Variants in HTR1F observed in about 807,000 individuals in gnomAD.
HTR1F encodes the protein 5-hydroxytryptamine (serotonin) receptor 1F, G protein-coupled.
Under a neutral mutation model 24.0 loss-of-function variants are expected in HTR1F, and 17 were observed. The ratio of observed to expected loss-of-function variants is 0.71; its 90% confidence interval spans 0.48 to 1.06. The LOEUF is 1.06. HTR1F is among the 50% of genes least tolerant of loss of function. The probability of loss-of-function intolerance (pLI) is 0.00; values close to 1 mark genes in which losing one functional copy is unlikely to be tolerated. For missense variants in HTR1F, 391 were observed against 427.8 expected (o/e 0.91, Z 0.76); for synonymous variants, 186 against 156.8 (o/e 1.19, Z -1.39).
chr3:87,821,876 A>C (rs2107126275), intron 1 of HTR1F, among the ~76,000 whole-genome samples, 132 bp from the exon 2 acceptor site: 1 of 152,276 alleles, frequency 6.6e-6, no homozygotes, highest in East Asian at 1.9e-4. Flanking sequence ...TTATTTCAAA[A>C]GTGGTTAGTG....
intron 2 of HTR1F, among the ~76,000 whole-genome samples, chr3:87,882,322 A>G (rs1265740856): frequency 6.6e-6 from 1 of 152,208 alleles, no homozygotes; most frequent in Non-Finnish European, 1.5e-5. Flanking sequence ...ATCTAGAACA[A>G]GAAATACCAT....
chr3:87,973,063 C>T (rs7355990), intron 2 of HTR1F, among the ~76,000 whole-genome samples: 125,401 of 151,604 alleles, frequency 0.83, 52,930 homozygotes, highest in East Asian at 0.96. Flanking sequence ...CCCAGCTACT[C>T]GGGAAACTGA....
intron 1 of HTR1F, among the ~76,000 whole-genome samples, chr3:87,794,982 CTTTTTT>C (rs57368229): frequency 2.2e-5 from 2 of 90,432 alleles, no homozygotes; most frequent in African/African-American, 9.0e-5. Context: ...TTATGACTGA[CTTTTTT>C]TTTTTTTTTT....
intron 1 of HTR1F, among the ~76,000 whole-genome samples, chr3:87,804,036 C>T (rs1333622362): frequency 2.0e-5 from 3 of 151,878 alleles, no homozygotes; most frequent in Admixed American, 6.6e-5. Flanking sequence ...GCTCTTTGAC[C>T]CTAAGTTATT....
At position 87,853,021 on chromosome 3, in the gene HTR1F, T is replaced by C. The variant is rs115678362; in HGVS notation, c.-43+30897T>C. 9.6e-3 allele frequency among the ~76,000 whole-genome samples: 1,452 copies of C among 151,102 alleles called. 45 individuals carry two copies. The highest frequency in any genetic ancestry group is 0.033 in the African/African-American group (1,339 of 40,866). On this transcript the variant is annotated intron_variant, in intron 2 of 2. Coordinates refer to ENST00000319595, the MANE Select transcript of HTR1F (RefSeq NM_001322209.2). ...ATTTTATTTCATTAGGCTTTTTAAA[T>C]ATTCAGATCAATTCCTCTCGATAGA...
At chr3:87,924,545 T>A (rs1462074270) in intron 2 of HTR1F, among the ~76,000 whole-genome samples, 1 of 152,172 alleles carries the variant, frequency 6.6e-6, no homozygotes, top group African/African-American at 2.4e-5. Flanking sequence ...CTTAAGTATT[T>A]CTTGTAAGGC....
At chr3:87,898,575 G>GA (rs1280284223) in intron 2 of HTR1F, among the ~76,000 whole-genome samples, 14 of 151,908 alleles carry the variant, frequency 9.2e-5, no homozygotes, top group African/African-American at 3.1e-4. Context: ...AGTTTAATTA[G>GA]AAAAAATAAT....
At chr3:87,863,866 T>C (rs2107235509) in intron 2 of HTR1F, among the ~76,000 whole-genome samples, 1 of 152,340 alleles carries the variant, frequency 6.6e-6, no homozygotes, top group African/African-American at 2.4e-5. Flanking sequence ...CATCAGAAGT[T>C]TGAAATGGTT....
At chr3:87,914,791 T>C (rs1158410376) in intron 2 of HTR1F, among the ~76,000 whole-genome samples, 1 of 151,988 alleles carries the variant, frequency 6.6e-6, no homozygotes, top group Non-Finnish European at 1.5e-5. Context: ...GAATATACTC[T>C]TGGGAGTTCT....
At chr3:87,800,110 C>T (rs1244081506) in intron 1 of HTR1F, among the ~76,000 whole-genome samples, 1 of 152,104 alleles carries the variant, frequency 6.6e-6, no homozygotes, top group Non-Finnish European at 1.5e-5. Context: ...CTGAATCTAG[C>T]CTTGCCCTCA....
At chr3:87,901,691 A>T (rs991159418) in intron 2 of HTR1F, among the ~76,000 whole-genome samples, 1 of 152,118 alleles carries the variant, frequency 6.6e-6, no homozygotes, top group Admixed American at 6.6e-5. Context: ...TTAACAATTT[A>T]CATATACACT....
At chr3:87,982,624 G>A (rs1209265676) in intron 2 of HTR1F, among the ~76,000 whole-genome samples, 3 of 152,166 alleles carry the variant, frequency 2.0e-5, no homozygotes, top group Non-Finnish European at 4.4e-5. Context: ...CCTGGAGGGC[G>A]TTTCAAGAGC....
chr3:87,859,483 C>T (rs915012297), intron 2 of HTR1F, among the ~76,000 whole-genome samples: 5 of 152,120 alleles, frequency 3.3e-5, no homozygotes, highest in Admixed American at 6.6e-5. Context: ...TTTGTAGGAA[C>T]GATCACACAA....
intron 2 of HTR1F, among the ~76,000 whole-genome samples, chr3:87,884,305 T>A (rs1306533625): frequency 1.3e-5 from 2 of 152,152 alleles, no homozygotes. Flanking sequence ...AGAAATTTTG[T>A]CACCACCCGA....
intron 2 of HTR1F, among the ~76,000 whole-genome samples, chr3:87,903,466 A>G (rs1669820726): frequency 6.6e-6 from 1 of 152,108 alleles, no homozygotes; most frequent in South Asian, 2.1e-4. Flanking sequence ...TGGGCAAAGG[A>G]CATGAACAGA....
intron 2 of HTR1F, among the ~76,000 whole-genome samples, chr3:87,973,096 G>A (rs142074078): frequency 2.0e-5 from 3 of 152,054 alleles, no homozygotes; most frequent in Admixed American, 6.5e-5. Flanking sequence ...GCTTGAACCC[G>A]GGAGGCGGAG....
At chr3:87,853,124 TCA>T (rs1705124903) in intron 2 of HTR1F, among the ~76,000 whole-genome samples, 1 of 150,184 alleles carries the variant, frequency 6.7e-6, no homozygotes, top group South Asian at 2.1e-4. Context: ...TGTTATAAAC[TCA>T]TGTCATGCGA....
rs541722049 is a variant in HTR1F at position 87,902,331 on chromosome 3, A to G, written c.-43+80207A>G. On this transcript the variant is annotated intron_variant, in intron 2 of 2. Coordinates refer to ENST00000319595, the MANE Select transcript of HTR1F (RefSeq NM_001322209.2). ...TGCAAAGGGGGAAGTTATTCTTTTC[A>G]TGAATTGCTCCAGAAAAATTTAATT... Among the ~76,000 whole-genome samples, 535 of 152,292 alleles carry G rather than the reference A, an allele frequency of 3.5e-3. 3 individuals are homozygous for G. Among genetic ancestry groups the G allele is most frequent in the Non-Finnish European group, 6.2e-3 (419 of 68,012 alleles).
At chr3:87,916,691 T>C (rs139705016) in intron 2 of HTR1F, among the ~76,000 whole-genome samples, 2 of 152,152 alleles carry the variant, frequency 1.3e-5, no homozygotes, top group Non-Finnish European at 2.9e-5. Flanking sequence ...CCTAAACATA[T>C]ATGCACCTAA....
Sources: allele counts gnomAD v4.1 joint callset (sites outside exome capture counted in the v4.1 genomes callset), GRCh38; gene constraint gnomAD v4.1.1; transcripts MANE v1.5; gene names NCBI Gene and HGNC (gene_info 2026-07-23, HGNC 2026-07-21).